Variants in SIK2 observed in about 807,000 individuals in gnomAD.
SIK2 encodes the protein serine/threonine-protein kinase SIK2.
A neutral mutation model predicts 103.2 loss-of-function variants in SIK2; 29 were observed. The observed-to-expected ratio is 0.28, with a 90% confidence interval of 0.21 to 0.38. SIK2 has a LOEUF of 0.38. SIK2 is among the 10% of genes least tolerant of loss of function. SIK2 has a pLI of 1.00. For synonymous variants in SIK2, 412 were observed against 446.1 expected, an observed-to-expected ratio of 0.92 and a Z score of 0.96; for missense variants, 879 against 1,171.0, an observed-to-expected ratio of 0.75 and a Z score of 3.64.
chr11:111,645,359 A>T (rs1942241064), intron 3 of SIK2, among the ~76,000 whole-genome samples: 1 of 152,228 alleles, frequency 6.6e-6, no homozygotes, highest in Non-Finnish European at 1.5e-5. Context: ...TAGTATAGTC[A>T]TACAATACAG....
intron 8 of SIK2, among the ~76,000 whole-genome samples, chr11:111,709,903 C>T (rs574391661): frequency 6.6e-6 from 1 of 152,334 alleles, no homozygotes; most frequent in Non-Finnish European, 1.5e-5. Flanking sequence ...TGGCACAGCA[C>T]CGTCTGGCCA....
chr11:111,702,672 G>A (rs575192124), intron 6 of SIK2, among the ~76,000 whole-genome samples: 1 of 152,282 alleles, frequency 6.6e-6, no homozygotes, highest in African/African-American at 2.4e-5. Flanking sequence ...AGAGCATCAT[G>A]TCAGCTCAGA....
At chr11:111,685,710 TGTG>T (rs1942835905) in intron 3 of SIK2, among the ~76,000 whole-genome samples, 2 of 152,084 alleles carry the variant, frequency 1.3e-5, no homozygotes, top group Non-Finnish European at 2.9e-5. Context: ...ATTAGCCAGA[TGTG>T]GTGACATGCA....
chr11:111,712,990 CT>C (rs2135950377), intron 9 of SIK2, among the ~76,000 whole-genome samples: 1 of 152,280 alleles, frequency 6.6e-6, no homozygotes, highest in Admixed American at 6.5e-5. Context: ...CATGGTGAAA[CT>C]CCATCTCTAC....
intron 3 of SIK2, among the ~76,000 whole-genome samples, chr11:111,650,574 A>T (rs997287234): frequency 3.3e-5 from 5 of 152,002 alleles, no homozygotes; most frequent in Admixed American, 6.6e-5. Flanking sequence ...AGGCCTAGGT[A>T]TCAATATCTA....
chr11:111,627,846 A>G (rs1224873185), intron 3 of SIK2, among the ~76,000 whole-genome samples: 2 of 152,190 alleles, frequency 1.3e-5, no homozygotes, highest in Non-Finnish European at 2.9e-5. Context: ...TGTTCTTGCA[A>G]AATGACTTGA....
intron 1 of SIK2, among the ~76,000 whole-genome samples, chr11:111,612,915 G>GAGATATATAT (rs1555024097): frequency 4.0e-5 from 2 of 50,026 alleles, no homozygotes; most frequent in Non-Finnish European, 8.2e-5. Context: ...ATAGCAATGG[G>GAGATATATAT]ATATATATAT....
chr11:111,687,727 T>C (rs534013785), intron 3 of SIK2, among the ~76,000 whole-genome samples: 1 of 151,588 alleles, frequency 6.6e-6, no homozygotes, highest in Non-Finnish European at 1.5e-5. Flanking sequence ...TGCCTCAGCC[T>C]CTCCAGTAGC....
rs140721798 is a variant in SIK2, at chr11:111,625,935, G to A, written c.316+5533G>A. Among the ~76,000 whole-genome samples, 28 of 152,278 alleles carry A rather than the reference G, an allele frequency of 1.8e-4. No homozygotes were observed. In the East Asian group the frequency reaches 4.4e-3, roughly 24 times the overall value. On this transcript the variant is annotated intron_variant, in intron 3 of 14. Transcript: ENST00000304987. ...AGTAGAAATAGCTGTTACATGTTAG[G>A]CATCATTTCTATGAAAATAGGATAG... is the stretch of plus-strand genomic sequence containing the variant.
Position 111,719,636 on chromosome 11 carries a change from G to C in SIK2, c.1267-139G>C, listed in dbSNP as rs1054104676. On this transcript the variant is annotated intron_variant, in intron 9 of 14. Coordinates refer to ENST00000304987, the MANE Select transcript of SIK2 (RefSeq NM_015191.3). ...TGCCTTCACTTCTAATCTATGTGTT[G>C]TCATGCATAATAAATATGTGCATGT... is the stretch of plus-strand genomic sequence containing the variant. The C allele has an allele frequency of 5.0e-5, 42 of 836,786 alleles. No homozygotes were observed. The Middle Eastern group carries it at 8.1e-4, about 16-fold the overall frequency. The allele number at this position is 836,786 out of a possible 1,614,324, so 51.8% of individuals were successfully genotyped here. A position where few individuals can be genotyped will look rare whatever the true frequency, so the allele number is the denominator to read the frequency against.
chr11:111,692,049 C>T (rs1942953300), intron 4 of SIK2, among the ~76,000 whole-genome samples: 1 of 151,718 alleles, frequency 6.6e-6, no homozygotes, highest in Non-Finnish European at 1.5e-5. Flanking sequence ...ATCGGGGAGA[C>T]AGAGAAAGAA....
At chr11:111,654,218 T>A (rs1942363201) in intron 3 of SIK2, among the ~76,000 whole-genome samples, 2 of 152,176 alleles carry the variant, frequency 1.3e-5, no homozygotes, top group Non-Finnish European at 2.9e-5. Flanking sequence ...TCTTAAAAGC[T>A]CCAATGATTG....
At position 111,727,927 on chromosome 11, in the gene SIK2, A is replaced by ATGTT. The variant is rs1323628123; in HGVS notation, c.*3802_*3805dup. On this transcript the variant is annotated 3_prime_UTR_variant, in exon 15 of 15. Coordinates refer to ENST00000304987, the MANE Select transcript of SIK2 (RefSeq NM_015191.3). ...CTAGTCAAGCCCCAGGTTCGTAAAT[A>ATGTT]TGTTTGTATTACATTTTAAAACCTG... The ATGTT allele has an allele frequency of 1.3e-5, 2 of 152,148 alleles. No homozygotes were observed. Among genetic ancestry groups the ATGTT allele is most frequent in the Non-Finnish European group, 2.9e-5 (2 of 68,034 alleles). The allele number at this position is 152,148 out of a possible 1,614,324, so 9.4% of individuals were successfully genotyped here.
rs188789627 is a variant in SIK2, at chr11:111,639,729, A to G, written c.316+19327A>G. Among the ~76,000 whole-genome samples, 67 of 151,768 alleles carry G rather than the reference A, an allele frequency of 4.4e-4. 1 individual carries two copies. The highest frequency in any genetic ancestry group is 6.3e-4 in the South Asian group (3 of 4,796). The stretch of plus-strand genomic sequence containing the variant: ...CTTTCTCATTGAAATTCATTGTTAT[A>G]CTCTCTCCTGCTTCTGTTTAGGCAG... On this transcript the variant is annotated intron_variant, in intron 3 of 14. Transcript: ENST00000304987.
At chr11:111,606,163 A>G (rs531368160) in intron 1 of SIK2, among the ~76,000 whole-genome samples, 13 of 152,284 alleles carry the variant, frequency 8.5e-5, no homozygotes, top group Admixed American at 8.5e-4. Context: ...AGTTAGTGGT[A>G]TAGCTAGTTT....
rs539502070 is a variant in SIK2, at chr11:111,730,496, T to G, written c.*6367T>G. On this transcript the variant is annotated 3_prime_UTR_variant, in exon 15 of 15. Coordinates refer to ENST00000304987, the MANE Select transcript of SIK2 (RefSeq NM_015191.3). ...TTGTAGAAAGGGCAAGATTATTTGC[T>G]TATATCTGAAGGGAGGTGGGTGGTT... 6.6e-6 allele frequency: 1 copy of G among 152,346 alleles called. No homozygotes were observed. Among genetic ancestry groups the G allele is most frequent in the East Asian group, 1.9e-4 (1 of 5,194 alleles). 9.4% of individuals were successfully genotyped at this position (152,346 alleles called of 1,614,324 possible).
At position 111,712,165 on chromosome 11, in the gene SIK2, G is replaced by A. The variant is rs199962540; in HGVS notation, c.1102-46G>A. 7.8e-4 allele frequency: 1,215 copies of A among 1,551,556 alleles called. 20 individuals carry two copies. The highest frequency in any genetic ancestry group is 1.5e-4 in the Non-Finnish European group (170 of 1,134,764). On this transcript the variant is annotated intron_variant, in intron 8 of 14. Transcript: ENST00000304987. ...TCTTAGAACTTTGTGTATTTATAGA[G>A]AAGGTATTCATGTTCCCAAACTGTC... is the stretch of plus-strand genomic sequence containing the variant.
chr11:111,669,857 C>G (rs1942601024), intron 3 of SIK2, among the ~76,000 whole-genome samples: 1 of 152,134 alleles, frequency 6.6e-6, no homozygotes, highest in Non-Finnish European at 1.5e-5. Flanking sequence ...TTTCCAAACC[C>G]TGCTCCATAT....
rs140329799 is a variant in SIK2, at chr11:111,657,687, C to G, written c.317-30314C>G. ...TACAGGCATGAGCCACCATGCCTGG[C>G]CAGAGTAGAAGTAATAGATTTTTAT... is the stretch of plus-strand genomic sequence containing the variant. On this transcript the variant is annotated intron_variant, in intron 3 of 14. Transcript: ENST00000304987. Among the ~76,000 whole-genome samples, 1,423 of 152,218 alleles carry G rather than the reference C, an allele frequency of 9.3e-3. 14 individuals carry two copies. Among genetic ancestry groups the G allele is most frequent in the Non-Finnish European group, 0.014 (971 of 68,006 alleles).
Sources: allele counts gnomAD v4.1 joint callset (sites outside exome capture counted in the v4.1 genomes callset), GRCh38; gene constraint gnomAD v4.1.1; transcripts MANE v1.5; gene names NCBI Gene and HGNC (gene_info 2026-07-23, HGNC 2026-07-21).